Variants in DTD1 observed in about 807,000 individuals in gnomAD.
DTD1 encodes the protein D-aminoacyl-tRNA deacylase 1.
Under a neutral mutation model 25.6 loss-of-function variants are expected in DTD1, and 13 were observed. The ratio of observed to expected loss-of-function variants is 0.51; its 90% CI spans 0.33 to 0.81. DTD1 has a LOEUF of 0.81. Ranked by LOEUF, DTD1 falls within the 30% of genes least tolerant of loss-of-function variation. The pLI is 0.02. For synonymous variants in DTD1, 110 were observed against 103.6 expected (o/e 1.06, Z -0.37); for missense variants, 193 against 266.4 (o/e 0.72, Z 1.92).
intron 1 of DTD1, chr20:18,588,729 G>A (rs749742358): frequency 1.0e-5 from 10 of 985,276 alleles, no homozygotes; most frequent in Non-Finnish European, 9.6e-6. Context: ...GCGCGGAGGG[G>A]TCGGGATCTA....
At chr20:18,627,881 GCTCT>G (rs1180768340) in intron 3 of DTD1, among the ~76,000 whole-genome samples, 1 of 152,052 alleles carries the variant, frequency 6.6e-6, no homozygotes, top group Non-Finnish European at 1.5e-5. Flanking sequence ...CCCTGCACAA[GCTCT>G]CTCTCTTTTT....
At chr20:18,597,886 T>A (rs769288374) in intron 3 of DTD1, among the ~76,000 whole-genome samples, 45 of 152,216 alleles carry the variant, frequency 3.0e-4, no homozygotes, top group Non-Finnish European at 5.9e-4. Flanking sequence ...TGGAACATAG[T>A]CATTGTAGGT....
chr20:18,758,200 TG>T (rs2061347199), intron 5 of DTD1, among the ~76,000 whole-genome samples: 1 of 152,194 alleles, frequency 6.6e-6, no homozygotes, highest in Non-Finnish European at 1.5e-5. Context: ...CTATCAATTT[TG>T]TTGATCTTTT....
chr20:18,758,075 T>A (rs1325719891), intron 5 of DTD1, among the ~76,000 whole-genome samples: 1 of 152,258 alleles, frequency 6.6e-6, no homozygotes, highest in East Asian at 1.9e-4. Flanking sequence ...GTTTATAGTA[T>A]TCTCTGATGG....
At chr20:18,601,306 C>T (rs370645364) in intron 3 of DTD1, among the ~76,000 whole-genome samples, 1 of 152,040 alleles carries the variant, frequency 6.6e-6, no homozygotes, top group East Asian at 1.9e-4. Context: ...TTGAGACCAG[C>T]CTGGGCAACA....
chr20:18,718,557 A>G (rs1320984149), intron 4 of DTD1, among the ~76,000 whole-genome samples: 1 of 152,246 alleles, frequency 6.6e-6, no homozygotes, highest in Non-Finnish European at 1.5e-5. Flanking sequence ...TATTGCCAGT[A>G]TATAATTGTG....
chr20:18,682,739 C>T (rs919961673), intron 4 of DTD1, among the ~76,000 whole-genome samples: 4 of 152,226 alleles, frequency 2.6e-5, no homozygotes, highest in East Asian at 1.9e-4. Flanking sequence ...CTGGCCCAAG[C>T]GAGCACACCC....
At position 18,763,415 on chromosome 20, in the gene DTD1, C is replaced by T. The variant is rs545105029; in HGVS notation, c.*75C>T. ...AAAAATTCAAGATGCTAAGCACCTACACTACTTTAAGAATTTGGAACTGAA... is the reference window on the plus strand; with the variant it reads ...AAAAATTCAAGATGCTAAGCACCTATACTACTTTAAGAATTTGGAACTGAA... On this transcript the variant is annotated 3_prime_UTR_variant, in exon 6 of 6. Coordinates refer to ENST00000377452, the MANE Select transcript of DTD1 (RefSeq NM_080820.6). The T allele has an allele frequency of 1.3e-5, 2 of 152,788 alleles. No individual in the cohort carries two copies. The highest frequency in any genetic ancestry group is 1.9e-4 in the East Asian group (1 of 5,190). 9.5% of individuals were successfully genotyped at this position (152,788 alleles called of 1,614,324 possible). A position where few individuals can be genotyped will look rare whatever the true frequency, so the allele number is the denominator to read the frequency against.
At chr20:18,592,280 T>C (rs1372270197) in intron 1 of DTD1, 1 of 152,132 alleles carries the variant, frequency 6.6e-6, no homozygotes, top group African/African-American at 2.4e-5. Context: ...TGGCAAATAA[T>C]TGGCAAAAAA....
At chr20:18,737,365 G>A (rs527762209) in intron 4 of DTD1, among the ~76,000 whole-genome samples, 1 of 152,254 alleles carries the variant, frequency 6.6e-6, no homozygotes, top group East Asian at 1.9e-4. Context: ...CACAGCTTTC[G>A]TTGGCCCTCC....
In DTD1 at chr20:18,736,607, C is replaced by T. The variant is rs143679374; in HGVS notation, c.478-7493C>T. On this transcript the variant is annotated intron_variant, in intron 4 of 5. Transcript: ENST00000377452. ...GGCGTGTGCACCTTGCAGCCACCCCCTCTCCTTGCCCTGGGCATATCATGT... is the reference window on the plus strand; with the variant it reads ...GGCGTGTGCACCTTGCAGCCACCCCTTCTCCTTGCCCTGGGCATATCATGT... Among the ~76,000 whole-genome samples the T allele has an allele frequency of 2.4e-3, 370 of 152,366 alleles. 7 individuals are homozygous for T. The highest frequency in any genetic ancestry group is 0.02 in the Admixed American group (303 of 15,304).
intron 4 of DTD1, among the ~76,000 whole-genome samples, chr20:18,651,086 A>T (rs980089443): frequency 1.3e-5 from 2 of 152,226 alleles, no homozygotes; most frequent in African/African-American, 4.8e-5. Context: ...ATACCATTTC[A>T]GAGCAGTGGC....
chr20:18,733,210 C>G (rs2061244601), intron 4 of DTD1, among the ~76,000 whole-genome samples: 2 of 152,180 alleles, frequency 1.3e-5, no homozygotes, highest in African/African-American at 4.8e-5. Context: ...GTTCTTAGCA[C>G]CCCATGTCTC....
chr20:18,753,330 G>C (rs1055207613), intron 5 of DTD1, among the ~76,000 whole-genome samples: 2 of 152,128 alleles, frequency 1.3e-5, no homozygotes, highest in African/African-American at 4.8e-5. Context: ...GACATTGGCT[G>C]GGTGTGGTGG....
intron 4 of DTD1, among the ~76,000 whole-genome samples, chr20:18,659,371 T>A (rs2060901049): frequency 6.6e-6 from 1 of 152,186 alleles, no homozygotes; most frequent in African/African-American, 2.4e-5. Context: ...TTGCAGACTC[T>A]TTCCTCCCTC....
At chr20:18,747,154 G>C (rs868133854) in intron 5 of DTD1, among the ~76,000 whole-genome samples, 1 of 152,334 alleles carries the variant, frequency 6.6e-6, no homozygotes, top group South Asian at 2.1e-4. Context: ...AGTGAAGACA[G>C]GGCACAGAGT....
At chr20:18,712,628 C>A (rs2122480108) in intron 4 of DTD1, among the ~76,000 whole-genome samples, 1 of 152,202 alleles carries the variant, frequency 6.6e-6, no homozygotes, top group South Asian at 2.1e-4. Flanking sequence ...AATTCCCTCC[C>A]ACAGGCTTTT....
intron 4 of DTD1, among the ~76,000 whole-genome samples, chr20:18,663,413 G>A (rs998174980): frequency 6.6e-6 from 1 of 151,904 alleles, no homozygotes; most frequent in African/African-American, 2.4e-5. Flanking sequence ...TTTGATCTAT[G>A]TTCTTACCAA....
At chr20:18,610,666 T>C (rs2060683003) in intron 3 of DTD1, among the ~76,000 whole-genome samples, 1 of 152,180 alleles carries the variant, frequency 6.6e-6, no homozygotes, top group Non-Finnish European at 1.5e-5. Context: ...TCTCAGCACT[T>C]TGGGAGGCCA....
Sources: allele counts gnomAD v4.1 joint callset (sites outside exome capture counted in the v4.1 genomes callset), GRCh38; gene constraint gnomAD v4.1.1; transcripts MANE v1.5; gene names NCBI Gene and HGNC (gene_info 2026-07-23, HGNC 2026-07-21).